Variants in STXBP6 observed in about 807,000 individuals in gnomAD.
STXBP6 encodes syntaxin binding protein 6, also known as syntaxin-binding protein 6.
In STXBP6, 21 loss-of-function variants were observed where a neutral mutation model predicts 26.9. That is an observed-to-expected ratio of 0.78 (90% CI 0.55 to 1.12). The LOEUF (loss-of-function observed/expected upper bound fraction) is 1.12, where lower values mean the gene tolerates loss of function less well. STXBP6 is among the 50% of genes most tolerant of loss of function. The pLI is 0.00. For missense variants in STXBP6, 232 were observed against 257.9 expected (o/e 0.90, Z 0.69); for synonymous variants, 97 against 92.6 (o/e 1.05, Z -0.27).
At chr14:25,036,242 T>C (rs1018221126) in intron 1 of STXBP6, among the ~76,000 whole-genome samples, 12 of 96,638 alleles carry the variant, frequency 1.2e-4, no homozygotes, top group African/African-American at 4.2e-4. Context: ...AAAAAAAAAA[T>C]ACAGGTTGTG....
chr14:24,951,806 C>G (rs1047353248), intron 2 of STXBP6, among the ~76,000 whole-genome samples: 1 of 152,014 alleles, frequency 6.6e-6, no homozygotes, highest in Non-Finnish European at 1.5e-5. Context: ...TGTATTTTCA[C>G]TATTTTAATC....
intron 4 of STXBP6, among the ~76,000 whole-genome samples, chr14:24,850,480 G>A (rs1165140566): frequency 6.6e-6 from 1 of 152,100 alleles, no homozygotes; most frequent in African/African-American, 2.4e-5. Flanking sequence ...AGCCTGCTTT[G>A]TGAAAAAACA....
intron 2 of STXBP6, among the ~76,000 whole-genome samples, chr14:24,909,505 G>A (rs1471879496): frequency 6.6e-6 from 1 of 152,102 alleles, no homozygotes; most frequent in Non-Finnish European, 1.5e-5. Context: ...TTAAGGTGGG[G>A]CATGGTGGTT....
chr14:25,002,711 G>C (rs2074793091), intron 1 of STXBP6, among the ~76,000 whole-genome samples: 1 of 151,496 alleles, frequency 6.6e-6, no homozygotes, highest in African/African-American at 2.4e-5. Context: ...CCCCATCTTT[G>C]CAAATTTGGT....
At chr14:24,856,740 A>T (rs1298919919) in intron 3 of STXBP6, among the ~76,000 whole-genome samples, 1 of 151,758 alleles carries the variant, frequency 6.6e-6, no homozygotes, top group African/African-American at 2.4e-5. Flanking sequence ...ATTGATAACC[A>T]TCGATATGAT....
intron 1 of STXBP6, among the ~76,000 whole-genome samples, chr14:25,027,107 A>G (rs2075363835): frequency 6.6e-6 from 1 of 152,244 alleles, no homozygotes; most frequent in African/African-American, 2.4e-5. Flanking sequence ...TTGCAGACCA[A>G]TTTGACTTGC....
At chr14:25,019,832 A>G (rs1285937010) in intron 1 of STXBP6, among the ~76,000 whole-genome samples, 1 of 149,470 alleles carries the variant, frequency 6.7e-6, no homozygotes, top group African/African-American at 2.5e-5. Context: ...GAGATGATCA[A>G]GTTTAGTATC....
At chr14:25,028,806 G>T (rs1361968180) in intron 1 of STXBP6, among the ~76,000 whole-genome samples, 1 of 152,064 alleles carries the variant, frequency 6.6e-6, no homozygotes, top group Non-Finnish European at 1.5e-5. Flanking sequence ...GTGATTCATG[G>T]GGGGAGGTCA....
Position 24,920,377 on chromosome 14 carries a change from A to C in STXBP6, c.154+54288T>G, listed in dbSNP as rs1406623879. 5.9e-5 allele frequency among the ~76,000 whole-genome samples: 9 copies of C among 152,152 alleles called. No individual in the cohort carries two copies. The East Asian group carries it at 1.4e-3, about 23-fold the overall frequency. Reference sequence around the variant, plus strand: ...TGACAGTTTAAAATATTTACTCATAAAATATTTACTCAACTATTTTTAACG... The same window carrying C: ...TGACAGTTTAAAATATTTACTCATACAATATTTACTCAACTATTTTTAACG... On this transcript the variant is annotated intron_variant, in intron 2 of 5. Coordinates refer to ENST00000323944, the MANE Select transcript of STXBP6 (RefSeq NM_001394410.1).
chr14:24,899,151 T>A (rs1031489937), intron 2 of STXBP6, among the ~76,000 whole-genome samples: 1 of 152,218 alleles, frequency 6.6e-6, no homozygotes, highest in Non-Finnish European at 1.5e-5. Context: ...GAGCTAGGAA[T>A]GGTGGACGAA....
chr14:24,902,617 T>C (rs2139648985), intron 2 of STXBP6, among the ~76,000 whole-genome samples: 1 of 152,128 alleles, frequency 6.6e-6, no homozygotes, highest in South Asian at 2.1e-4. Flanking sequence ...ATATTAGAGC[T>C]TGATGATGTA....
intron 1 of STXBP6, among the ~76,000 whole-genome samples, chr14:25,043,814 T>G (rs990736408): frequency 6.6e-6 from 1 of 152,222 alleles, no homozygotes; most frequent in Non-Finnish European, 1.5e-5. Flanking sequence ...CTTGCATGGA[T>G]GTACCACATT....
At chr14:24,850,234 T>C (rs1475117397) in intron 4 of STXBP6, among the ~76,000 whole-genome samples, 1 of 152,074 alleles carries the variant, frequency 6.6e-6, no homozygotes, top group Admixed American at 6.6e-5. Context: ...TGAGATTCTA[T>C]CCTATCCTGG....
At chr14:24,970,166 G>A (rs761856120) in intron 2 of STXBP6, among the ~76,000 whole-genome samples, 8 of 152,036 alleles carry the variant, frequency 5.3e-5, no homozygotes, top group Non-Finnish European at 7.4e-5. Context: ...GCTTGAACCC[G>A]GGAGGTGGAG....
intron 4 of STXBP6, among the ~76,000 whole-genome samples, chr14:24,829,263 T>G (rs977878251): frequency 6.6e-6 from 1 of 152,216 alleles, no homozygotes; most frequent in Non-Finnish European, 1.5e-5. Flanking sequence ...TAATTATTAT[T>G]TTTGCATATG....
At chr14:24,967,415 G>A (rs2073769773) in intron 2 of STXBP6, among the ~76,000 whole-genome samples, 1 of 152,140 alleles carries the variant, frequency 6.6e-6, no homozygotes, top group Admixed American at 6.6e-5. Context: ...CAAACCTACT[G>A]AACTAGAAAA....
intron 2 of STXBP6, among the ~76,000 whole-genome samples, chr14:24,941,953 C>CAG (rs2072818324): frequency 6.6e-6 from 1 of 152,226 alleles, no homozygotes; most frequent in Non-Finnish European, 1.5e-5. Context: ...AGGTGTGCAT[C>CAG]TGCACCAGTT....
intron 4 of STXBP6, among the ~76,000 whole-genome samples, chr14:24,819,831 T>C (rs1380823884): frequency 1.3e-5 from 2 of 152,154 alleles, no homozygotes; most frequent in Non-Finnish European, 2.9e-5. Flanking sequence ...ATGGCTCGGA[T>C]GGTTGGGACT....
At chr14:24,840,404 T>C (rs368221399) in intron 4 of STXBP6, among the ~76,000 whole-genome samples, 202 of 152,332 alleles carry the variant, frequency 1.3e-3, no homozygotes, top group African/African-American at 4.7e-3. Flanking sequence ...TCCTCCACTT[T>C]AGCCCATCAA....
Sources: gnomAD v4.1 joint callset for allele counts (sites outside exome capture counted in the v4.1 genomes callset) on GRCh38, gnomAD v4.1.1 for gene constraint, MANE v1.5 for transcripts, NCBI Gene and HGNC (gene_info 2026-07-23, HGNC 2026-07-21) for gene names.